The following ZC3HAV1L variants were observed in gnomAD, a reference collection of about 807,000 sequenced individuals.
ZC3HAV1L encodes ZC3HAV1 like.
In ZC3HAV1L, 23 loss-of-function variants were observed where a neutral mutation model predicts 28.2. That is an observed-to-expected ratio of 0.82 (90% CI 0.59 to 1.16). ZC3HAV1L has a LOEUF of 1.16. Ranked by LOEUF, ZC3HAV1L falls within the 50% of genes most tolerant of loss-of-function variation. The pLI is 0.00. For synonymous variants in ZC3HAV1L, 180 were observed against 163.4 expected (o/e 1.10, Z -0.78); for missense variants, 376 against 387.7 (o/e 0.97, Z 0.25).
At chr7:139,021,524 A>G (rs994234943), downstream of ZC3HAV1L, among the ~76,000 whole-genome samples, 3 of 152,172 alleles carry the variant, frequency 2.0e-5, no homozygotes, top group Admixed American at 1.3e-4. Context: ...TTTATTTATG[A>G]ATGTATAGAT....
chr7:139,035,337 A>C (rs1815670421), intron 1 of ZC3HAV1L: 1 of 985,238 alleles, frequency 1.0e-6, no homozygotes, highest in Non-Finnish European at 1.2e-6. Context: ...TATCACCAGA[A>C]TAAGTGAGCT....
chr7:139,028,968 A>G lies in ZC3HAV1L; in HGVS notation c.502-8T>C. 2 of 1,605,102 alleles carry G rather than the reference A, an allele frequency of 1.2e-6. No homozygotes were observed. The highest frequency in any genetic ancestry group is 1.7e-6 in the Non-Finnish European group (2 of 1,174,780). ...GTTGTAGAGCAAACAGACCTGGTAC[A>G]GAAATGAGGGAACACCTGAAATATT... On this transcript the variant is annotated splice_polypyrimidine_tract_variant and splice_region_variant and intron_variant, in intron 2 of 4. Transcript: ENST00000275766.
chr7:139,030,604 G>A (rs1815497232), intron 2 of ZC3HAV1L, among the ~76,000 whole-genome samples: 1 of 151,664 alleles, frequency 6.6e-6, no homozygotes, highest in Non-Finnish European at 1.5e-5. Context: ...CAAGGTGGGT[G>A]GATCAAAAGG....
At chr7:139,035,118 C>A in intron 1 of ZC3HAV1L, 1 of 985,468 alleles carries the variant, frequency 1.0e-6, no homozygotes. Context: ...CCCCGAACCC[C>A]AGCTCTGGCA....
At chr7:139,028,205 T>G (rs925624647) in intron 3 of ZC3HAV1L, among the ~76,000 whole-genome samples, 1 of 151,878 alleles carries the variant, frequency 6.6e-6, no homozygotes, top group Admixed American at 6.6e-5. Flanking sequence ...AAACCCCGCC[T>G]CGACTAAGAA....
At position 139,026,495 on chromosome 7, in the gene ZC3HAV1L, T is replaced by G; in HGVS notation, c.*49A>C. ...GTCCCACCCCATCCCCAACCACCCA[T>G]GCCCAAATGTATTCTTCCAAAAGGA... On this transcript the variant is annotated 3_prime_UTR_variant, in exon 5 of 5. Transcript: ENST00000275766. 1 of 1,610,862 alleles carries G rather than the reference T, an allele frequency of 6.2e-7. No homozygotes were observed. Among genetic ancestry groups the G allele is most frequent in the Non-Finnish European group, 8.5e-7 (1 of 1,179,386 alleles).
At chr7:139,032,493 T>G (rs1228193130) in intron 2 of ZC3HAV1L, among the ~76,000 whole-genome samples, 2 of 150,792 alleles carry the variant, frequency 1.3e-5, no homozygotes, top group African/African-American at 4.9e-5. Context: ...AAAAATTAGC[T>G]GGGCATCATG....
At chr7:139,028,401 C>T (rs1032162684) in intron 3 of ZC3HAV1L, among the ~76,000 whole-genome samples, 8 of 149,300 alleles carry the variant, frequency 5.4e-5, no homozygotes, top group African/African-American at 2.0e-4. Context: ...AAAACCTGTT[C>T]TACCTACTTC....
chr7:139,030,900 T>C (rs574409900), intron 2 of ZC3HAV1L, among the ~76,000 whole-genome samples: 3 of 152,160 alleles, frequency 2.0e-5, no homozygotes, highest in African/African-American at 7.2e-5. Context: ...ATTTGAGGGA[T>C]ACAGGAACAT....
intron 2 of ZC3HAV1L, among the ~76,000 whole-genome samples, chr7:139,033,182 G>C (rs1380659110): frequency 1.4e-5 from 2 of 147,176 alleles, no homozygotes; most frequent in East Asian, 1.9e-4. Context: ...CTGTGTGAGA[G>C]AGTAAGACCC....
chr7:139,034,890 G>C, intron 1 of ZC3HAV1L: 1 of 985,460 alleles, frequency 1.0e-6, no homozygotes, highest in South Asian at 4.7e-5. Context: ...ATTTTCAGTA[G>C]GGATGCTTTG....
intron 3 of ZC3HAV1L, among the ~76,000 whole-genome samples, 162 bp downstream of exon 3, chr7:139,028,540 C>G (rs1473420345): frequency 6.6e-6 from 1 of 152,130 alleles, no homozygotes; most frequent in Non-Finnish European, 1.5e-5. Flanking sequence ...CTATACAATA[C>G]AATGTTGCCT....
intron 2 of ZC3HAV1L, 33 bp from the exon 3 acceptor site, chr7:139,028,993 T>C: frequency 6.3e-7 from 1 of 1,590,764 alleles, no homozygotes; most frequent in South Asian, 1.1e-5. Flanking sequence ...CCTGAAATAT[T>C]AGTTTTTCTT....
rs1815437848 is a variant in ZC3HAV1L, at chr7:139,028,885, C to A, written c.577G>T (p.Val193Leu). Residue 193 changes from valine to leucine, a missense_variant, in exon 3 of 5, where the codon GTG becomes TTG. Transcript: ENST00000275766. Reference protein sequence around the residue: ...NLKDKCNKFHVCKSFVKGECK... With the variant: ...NLKDKCNKFHLCKSFVKGECK... The stretch of plus-strand genomic sequence containing the variant: ...TCTCCTTTCACAAAGGATTTGCACA[C>A]ATGAAACTTGTTGCATTTATCCTTG... 6.2e-7 allele frequency: 1 copy of A among 1,614,122 alleles called. No individual in the cohort carries two copies. The highest frequency in any genetic ancestry group is 8.5e-7 in the Non-Finnish European group (1 of 1,180,058).
At position 139,035,974 on chromosome 7, in the gene ZC3HAV1L, C is replaced by G. The variant is rs1320407957; in HGVS notation, c.44G>C (p.Cys15Ser). The change falls in exon 1 of 5, where the codon TGC becomes TCC. Residue 15 changes from cysteine to serine, a missense_variant. Physicochemically the swap from Cys to Ser is moderately radical, Grantham distance 112. Transcript: ENST00000275766. ...TVCSFLTKVL[C>S]AHGGRMFLKD... ...CAGGAACATGCGGCCGCCGTGGGCGCACAGCACCTTGGTGAGGAAGGAGCA... is the reference window on the plus strand; with the variant it reads ...CAGGAACATGCGGCCGCCGTGGGCGGACAGCACCTTGGTGAGGAAGGAGCA... 1.3e-6 allele frequency: 2 copies of G among 1,524,672 alleles called. No homozygotes were observed. Among genetic ancestry groups the G allele is most frequent in the Non-Finnish European group, 8.7e-7 (1 of 1,144,304 alleles). 94.4% of individuals were successfully genotyped at this position (1,524,672 alleles called of 1,614,324 possible). A position where few individuals can be genotyped will look rare whatever the true frequency, so the allele number is the denominator to read the frequency against.
intron 3 of ZC3HAV1L, among the ~76,000 whole-genome samples, chr7:139,027,080 GC>G (rs1474454226): frequency 6.6e-6 from 1 of 152,082 alleles, no homozygotes; most frequent in Non-Finnish European, 1.5e-5. Flanking sequence ...ACAATGACAG[GC>G]CCTAGACACA....
chr7:139,035,766 G>A lies in ZC3HAV1L; in HGVS notation c.252C>T (p.Ala84=). The A allele has an allele frequency of 5.3e-6, 8 of 1,497,836 alleles. No homozygotes were observed. Among genetic ancestry groups the A allele is most frequent in the South Asian group, 5.0e-5 (4 of 80,034 alleles). The allele number at this position is 1,497,836 out of a possible 1,614,324, so 92.8% of individuals were successfully genotyped here. The change falls in exon 1 of 5, where the codon GCC becomes GCT. Residue 84 remains alanine (A), a synonymous_variant. Coordinates refer to ENST00000275766, the MANE Select transcript of ZC3HAV1L (RefSeq NM_080660.4). ...GGGCGCAGAGGCGCACAGAGGACACGGCCACCACCCTCCAGGCGGAGGTGC... is the reference window on the plus strand; with the variant it reads ...GGGCGCAGAGGCGCACAGAGGACACAGCCACCACCCTCCAGGCGGAGGTGC... ...GGGTSAWRVV[A]VSSVRLCARY...
At chr7:139,022,340 TCA>T (rs202074527), downstream of ZC3HAV1L, 536 of 378,320 alleles carry the variant, frequency 1.4e-3, 6 homozygotes, top group East Asian at 0.032. Flanking sequence ...GCTTAGGAGT[TCA>T]AGACCAGCCT....
intron 4 of ZC3HAV1L, 36 bp downstream of exon 4, chr7:139,026,672 C>A (rs1051372661): frequency 1.9e-6 from 3 of 1,612,798 alleles, no homozygotes; most frequent in Non-Finnish European, 2.5e-6. Context: ...GCTGGACAAG[C>A]TTCTTCTTAG....
Sources: allele counts gnomAD v4.1 joint callset (sites outside exome capture counted in the v4.1 genomes callset), GRCh38; gene constraint gnomAD v4.1.1; transcripts MANE v1.5; gene names NCBI Gene and HGNC (gene_info 2026-07-23, HGNC 2026-07-21).